Variants in SSBP3 observed in about 807,000 individuals in gnomAD.
SSBP3 encodes the protein single-stranded DNA-binding protein 3.
Under a neutral mutation model 69.6 loss-of-function variants are expected in SSBP3, and 5 were observed. That is an observed-to-expected ratio of 0.07 (90% CI 0.04 to 0.15). SSBP3 has a LOEUF of 0.15. Ranked by LOEUF, SSBP3 falls within the 10% of genes least tolerant of loss-of-function variation. The pLI, the probability that SSBP3 is intolerant of heterozygous loss-of-function variation, is 1.00. For synonymous variants in SSBP3, 196 were observed against 193.4 expected (o/e 1.01, Z -0.11); for missense variants, 312 against 534.0 (o/e 0.58, Z 4.10).
At chr1:54,272,858 T>G (rs1344661116) in intron 5 of SSBP3, among the ~76,000 whole-genome samples, 1 of 152,194 alleles carries the variant, frequency 6.6e-6, no homozygotes, top group East Asian at 1.9e-4. Context: ...ATCCTTCCAG[T>G]ATCAGATCCA....
At chr1:54,235,788 G>A (rs1644481696) in intron 14 of SSBP3, among the ~76,000 whole-genome samples, 1 of 152,162 alleles carries the variant, frequency 6.6e-6, no homozygotes, top group African/African-American at 2.4e-5. Context: ...CACAATGGAT[G>A]TTATAAATTA....
intron 4 of SSBP3, among the ~76,000 whole-genome samples, chr1:54,353,058 G>A (rs1205334338): frequency 3.9e-5 from 6 of 152,158 alleles, no homozygotes; most frequent in South Asian, 2.1e-4. Context: ...TCCTCAGACC[G>A]TCATGCCATC....
chr1:54,354,624 G>A (rs1646834650), intron 4 of SSBP3, among the ~76,000 whole-genome samples: 1 of 152,112 alleles, frequency 6.6e-6, no homozygotes. Flanking sequence ...ACCGAGATGG[G>A]GAGGGGGAGT....
chr1:54,311,058 G>A (rs188486025), intron 4 of SSBP3, among the ~76,000 whole-genome samples: 22 of 152,244 alleles, frequency 1.4e-4, no homozygotes, highest in African/African-American at 4.1e-4. Flanking sequence ...GGTCTATTTC[G>A]CGGACCCTAA....
intron 5 of SSBP3, among the ~76,000 whole-genome samples, chr1:54,269,073 C>T (rs1425911446): frequency 6.6e-6 from 1 of 152,154 alleles, no homozygotes; most frequent in African/African-American, 2.4e-5. Context: ...TCGGAATCTG[C>T]CCCGCCTCGT....
At chr1:54,305,047 A>T (rs768734487) in intron 4 of SSBP3, among the ~76,000 whole-genome samples, 1 of 152,194 alleles carries the variant, frequency 6.6e-6, no homozygotes, top group Non-Finnish European at 1.5e-5. Flanking sequence ...GATTTACCAT[A>T]ACCAGAGAAA....
At chr1:54,391,603 C>G (rs1648500837) in intron 4 of SSBP3, among the ~76,000 whole-genome samples, 1 of 152,204 alleles carries the variant, frequency 6.6e-6, no homozygotes, top group African/African-American at 2.4e-5. Context: ...CAGAGGAAAA[C>G]CTCAGGCAGC....
At chr1:54,338,479 A>AC (rs1265298270) in intron 4 of SSBP3, among the ~76,000 whole-genome samples, 1 of 151,986 alleles carries the variant, frequency 6.6e-6, no homozygotes, top group Non-Finnish European at 1.5e-5. Flanking sequence ...CTCACTCCCG[A>AC]CCCCTAACCC....
chr1:54,258,214 TAA>T lies in SSBP3; in HGVS notation c.367-67_367-66del. 1 of 1,014,860 alleles carries T rather than the reference TAA, an allele frequency of 9.9e-7. No homozygotes were observed. The highest frequency in any genetic ancestry group is 1.2e-6 in the Non-Finnish European group (1 of 800,040). 62.9% of individuals were successfully genotyped at this position (1,014,860 alleles called of 1,614,324 possible). ...CACATGGAGAAGCGCAGAAGCAGCT[TAA>T]AAGAACAAAAATTAAACCAAAACGA... On this transcript the variant is annotated intron_variant, in intron 5 of 17. Coordinates refer to ENST00000610401, the Ensembl canonical transcript of SSBP3. The surrounding 1 kb of genome is among the most constrained non-coding windows in gnomAD (Gnocchi z 4.5).
chr1:54,337,004 T>C (rs1171815773), intron 4 of SSBP3, among the ~76,000 whole-genome samples: 1 of 152,208 alleles, frequency 6.6e-6, no homozygotes, highest in East Asian at 1.9e-4. Context: ...GGGGAAAGCA[T>C]GTGCAACTGG....
chr1:54,239,781 G>A (rs578105364), intron 13 of SSBP3, among the ~76,000 whole-genome samples: 2 of 152,302 alleles, frequency 1.3e-5, no homozygotes, highest in South Asian at 2.1e-4. Flanking sequence ...GATCCCGGCT[G>A]CGGCCAGCTC....
At chr1:54,298,210 T>C (rs895049773) in intron 4 of SSBP3, among the ~76,000 whole-genome samples, 3 of 152,142 alleles carry the variant, frequency 2.0e-5, no homozygotes, top group African/African-American at 4.8e-5. Flanking sequence ...CTGAATTGAA[T>C]CACAGAAGAG....
intron 4 of SSBP3, among the ~76,000 whole-genome samples, chr1:54,344,632 G>A (rs139368732): frequency 4.3e-4 from 66 of 152,290 alleles, no homozygotes; most frequent in Admixed American, 1.2e-3. Flanking sequence ...TGTAAAGAGA[G>A]GAAAGAATTG....
intron 4 of SSBP3, among the ~76,000 whole-genome samples, chr1:54,396,141 A>G (rs213480): frequency 0.48 from 71,267 of 147,310 alleles, 19,397 homozygotes; most frequent in African/African-American, 0.76. Flanking sequence ...GCAGTGAGCC[A>G]AGATCGCGCC....
chr1:54,235,344 C>T (rs904103273), intron 14 of SSBP3, among the ~76,000 whole-genome samples: 2 of 146,750 alleles, frequency 1.4e-5, no homozygotes, highest in Admixed American at 6.9e-5. Context: ...TGCAATGGCA[C>T]GATCTCTGCT....
chr1:54,383,149 G>A (rs1186275152), intron 4 of SSBP3, among the ~76,000 whole-genome samples: 5 of 152,072 alleles, frequency 3.3e-5, no homozygotes, highest in Admixed American at 6.5e-5. Context: ...CGAGGTGGGC[G>A]GATTGTCTGA....
chr1:54,310,385 A>G (rs1236981071), intron 4 of SSBP3, among the ~76,000 whole-genome samples: 1 of 151,986 alleles, frequency 6.6e-6, no homozygotes, highest in East Asian at 1.9e-4. Flanking sequence ...CATTGAGAGC[A>G]TGGTTTTTCT....
At chr1:54,406,544 A>G (rs1649788737), upstream of SSBP3, 1 of 151,898 alleles carries the variant, frequency 6.6e-6, no homozygotes, top group South Asian at 2.0e-4. Flanking sequence ...CGGCCGCGGC[A>G]GTCCCCGCTG....
intron 4 of SSBP3, among the ~76,000 whole-genome samples, chr1:54,380,233 C>T (rs755751965): frequency 2.6e-5 from 4 of 152,174 alleles, no homozygotes; most frequent in South Asian, 2.1e-4. Flanking sequence ...GGGATTGACT[C>T]GCTCTGTGGT....
Sources: gnomAD v4.1 joint callset for allele counts (sites outside exome capture counted in the v4.1 genomes callset) on GRCh38, gnomAD v4.1.1 for gene constraint, Gnocchi (gnomAD v3.1) non-coding constraint, MANE v1.5 for transcripts, NCBI Gene and HGNC (gene_info 2026-07-23, HGNC 2026-07-21) for gene names.